The following ARID4A variants were observed in gnomAD, a reference collection of about 807,000 sequenced individuals.
ARID4A encodes the protein AT-rich interaction domain 4A.
ARID4A carries 39 observed loss-of-function variants against 148.6 expected under a neutral mutation model. That is an observed-to-expected ratio of 0.26 (90% confidence interval 0.20 to 0.34). ARID4A has a LOEUF of 0.34. ARID4A is among the 10% of genes least tolerant of loss of function. The pLI, the probability that ARID4A is intolerant of heterozygous loss-of-function variation, is 1.00. For synonymous variants in ARID4A, 475 were observed against 481.2 expected (o/e 0.99, Z 0.17); for missense variants, 1,265 against 1,449.1 (o/e 0.87, Z 2.06).
intron 11 of ARID4A, chr14:58,331,658 A>C (rs2033526797): frequency 6.6e-6 from 1 of 152,280 alleles, no homozygotes; most frequent in South Asian, 2.1e-4. Flanking sequence ...AGACAGTAGG[A>C]GTCTATTTTT....
intron 8 of ARID4A, among the ~76,000 whole-genome samples, chr14:58,326,365 A>T (rs544892216): frequency 2.8e-4 from 42 of 152,324 alleles, no homozygotes; most frequent in African/African-American, 9.1e-4. Context: ...TGAACCCGGA[A>T]GGCGGAACTT....
intron 11 of ARID4A, among the ~76,000 whole-genome samples, chr14:58,337,634 T>C (rs1467456209): frequency 6.6e-6 from 1 of 152,168 alleles, no homozygotes; most frequent in Non-Finnish European, 1.5e-5. Flanking sequence ...CTGTAGGCAA[T>C]CTCAATTTCT....
At position 58,366,959 on chromosome 14, in the gene ARID4A, T is replaced by C; in HGVS notation, c.3600T>C (p.Tyr1200=). The C allele has an allele frequency of 6.6e-7, 1 of 1,518,704 alleles. No homozygotes were observed. The highest frequency in any genetic ancestry group is 8.7e-7 in the Non-Finnish European group (1 of 1,143,002). The allele number at this position is 1,518,704 out of a possible 1,614,324, so 94.1% of individuals were successfully genotyped here. The change falls in exon 23 of 24, where the codon TAT becomes TAC. Residue 1200 remains tyrosine, a synonymous_variant. Coordinates refer to ENST00000355431, the MANE Select transcript of ARID4A (RefSeq NM_002892.4). ...QEKLQEIRKY[Y]MSLKSEVATI... is the part of the protein sequence containing the mutation. ...AACTACAGGAAATCAGAAAATATTA[T>C]ATGTCTTTGAAGTCTGAAGTTGCAA...
rs1230335534 is a variant in ARID4A at position 58,299,813 on chromosome 14, A to G, written c.-42A>G. ...CTCCCCATAGTTCTAGCGACTGCGA[A>G]GATAGCTCGCTGAGCTGGAACCCCA... On this transcript the variant is annotated 5_prime_UTR_variant, in exon 2 of 24. Transcript: ENST00000355431. 6.2e-7 allele frequency: 1 copy of G among 1,614,186 alleles called. No individual in the cohort carries two copies. The highest frequency in any genetic ancestry group is 8.5e-7 in the Non-Finnish European group (1 of 1,180,026).
At chr14:58,347,520 A>G (rs2034430326) in intron 14 of ARID4A, 127 bp from the exon 15 acceptor site, 2 of 671,120 alleles carry the variant, frequency 3.0e-6, no homozygotes, top group Non-Finnish European at 2.4e-6. Context: ...AAATAGTAAC[A>G]CAGAAAAGAG....
chr14:58,365,465 C>A, intron 20 of ARID4A, 53 bp from the exon 21 acceptor site: 3 of 853,850 alleles, frequency 3.5e-6, no homozygotes, highest in Non-Finnish European at 4.9e-6. Context: ...AATATACTTG[C>A]TCTTTTTTTT....
At chr14:58,359,336 T>C (rs1045065590) in intron 18 of ARID4A, 120 bp downstream of exon 18, 38 of 892,152 alleles carry the variant, frequency 4.3e-5, no homozygotes, top group Non-Finnish European at 6.3e-5. Flanking sequence ...GCAAGGTATA[T>C]AGACCTCCCA....
Position 58,330,058 on chromosome 14 carries a change from A to G in ARID4A, c.795A>G (p.Lys265=). 1 of 1,612,792 alleles carries G rather than the reference A, an allele frequency of 6.2e-7. No homozygotes were observed. Reference sequence around the variant, plus strand: ...CTAGAGTTGTTCCTGATAATTGGAAAATGGATATAAGTGAAATCCTTGAGT... The same window carrying G: ...CTAGAGTTGTTCCTGATAATTGGAAGATGGATATAAGTGAAATCCTTGAGT... ...LKTRVVPDNW[K]MDISEILESS... The change falls in exon 11 of 24, where the codon AAA becomes AAG. Residue 265 remains lysine, a synonymous_variant. Coordinates refer to ENST00000355431, the MANE Select transcript of ARID4A (RefSeq NM_002892.4).
chr14:58,317,207 AAGT>A (rs1364956727), intron 5 of ARID4A, among the ~76,000 whole-genome samples: 16 of 150,770 alleles, frequency 1.1e-4, no homozygotes, highest in Non-Finnish European at 1.9e-4. Flanking sequence ...AAAAAAAAAA[AAGT>A]AGTAAAAGCA....
chr14:58,318,433 G>T, intron 5 of ARID4A, 109 bp from the exon 6 acceptor site: 1 of 1,080,388 alleles, frequency 9.3e-7, no homozygotes. Context: ...TAAAATAATG[G>T]TTCTTACAAA....
intron 2 of ARID4A, among the ~76,000 whole-genome samples, chr14:58,301,348 C>A (rs1432141045): frequency 1.3e-5 from 2 of 151,942 alleles, no homozygotes; most frequent in Admixed American, 1.3e-4. Context: ...CATTATTAAT[C>A]ACTGATAATT....
rs117059513 is a variant in ARID4A, at chr14:58,305,538, A to C, written c.184-484A>C. On this transcript the variant is annotated intron_variant, in intron 4 of 23. Coordinates refer to ENST00000355431, the MANE Select transcript of ARID4A (RefSeq NM_002892.4). Reference sequence around the variant, plus strand: ...AGGTCTGGAAACTGAAAGAAGGTCAACTGGTCCATCCCTATCTCTCCAGGT... The same window carrying C: ...AGGTCTGGAAACTGAAAGAAGGTCACCTGGTCCATCCCTATCTCTCCAGGT... 2.0e-5 allele frequency among the ~76,000 whole-genome samples: 3 copies of C among 152,186 alleles called. No individual in the cohort carries two copies. The South Asian group carries it at 6.2e-4, about 31-fold the overall frequency.
In ARID4A at chr14:58,360,906, A is replaced by G; in HGVS notation, c.1944A>G (p.Lys648=). The change falls in exon 19 of 24, where the codon AAA becomes AAG. Residue 648 remains lysine, a synonymous_variant. Transcript: ENST00000355431. ...KKKQKKKAKN[K]EDSEKDEKRD... is the part of the protein sequence containing the mutation. ...ATTTTGTTGTTGTTGCCCAGAATAA[A>G]GAAGATAGTGAAAAGGACGAAAAGA... The G allele has an allele frequency of 1.2e-6, 2 of 1,614,060 alleles. No homozygotes were observed. The highest frequency in any genetic ancestry group is 1.7e-6 in the Non-Finnish European group (2 of 1,179,982).
intron 3 of ARID4A, among the ~76,000 whole-genome samples, chr14:58,303,983 A>T (rs1951204): frequency 6.6e-6 from 1 of 151,510 alleles, no homozygotes; most frequent in Non-Finnish European, 1.5e-5. Flanking sequence ...TGGTGGTGCA[A>T]ACCTGTAATC....
rs1308488768 is a variant in ARID4A, at chr14:58,328,336, A to G, written c.662+20A>G. On this transcript the variant is annotated intron_variant, in intron 9 of 23. Transcript: ENST00000355431. Reference sequence around the variant, plus strand: ...TAAATTGTGAGTAATGAATCCTTTAATGATGTTACGTGGGAGGAAAAAAAA... The same window carrying G: ...TAAATTGTGAGTAATGAATCCTTTAGTGATGTTACGTGGGAGGAAAAAAAA... 3 of 1,505,104 alleles carry G rather than the reference A, an allele frequency of 2.0e-6. No individual in the cohort carries two copies. Among genetic ancestry groups the G allele is most frequent in the African/African-American group, 1.4e-5 (1 of 72,414 alleles). The allele number at this position is 1,505,104 out of a possible 1,614,324, so 93.2% of individuals were successfully genotyped here.
At chr14:58,362,036 A>G (rs2035154949) in intron 19 of ARID4A, among the ~76,000 whole-genome samples, 1 of 152,196 alleles carries the variant, frequency 6.6e-6, no homozygotes. Context: ...TGAAAATAAT[A>G]TATTTTAATA....
chr14:58,366,307 G>A, intron 22 of ARID4A, 77 bp downstream of exon 22: 5 of 1,156,528 alleles, frequency 4.3e-6, no homozygotes, highest in Non-Finnish European at 6.3e-6. Flanking sequence ...TTGGATTAAT[G>A]TTAATAAAAT....
At chr14:58,359,027 CTATT>C (rs1430203134) in intron 17 of ARID4A, 101 bp from the exon 18 acceptor site, 12 of 1,262,212 alleles carry the variant, frequency 9.5e-6, no homozygotes, top group Non-Finnish European at 1.3e-5. Context: ...TAAGAACAAA[CTATT>C]TAATCTGTCT....
At chr14:58,365,935 T>G in intron 21 of ARID4A, 89 bp from the exon 22 acceptor site, 1 of 1,134,672 alleles carries the variant, frequency 8.8e-7, no homozygotes, top group South Asian at 1.6e-5. Flanking sequence ...TTCTGTAGGA[T>G]ACCAAGAAAT....
Sources: gnomAD v4.1 joint callset for allele counts (sites outside exome capture counted in the v4.1 genomes callset) on GRCh38, gnomAD v4.1.1 for gene constraint, MANE v1.5 for transcripts, NCBI Gene and HGNC (gene_info 2026-07-23, HGNC 2026-07-21) for gene names.